Variants in PHACTR1 observed in about 807,000 individuals in gnomAD.
PHACTR1 encodes RPEL repeat containing 1.
PHACTR1 carries 16 observed loss-of-function variants against 69.2 expected under a neutral mutation model. That is an observed-to-expected ratio of 0.23 (90% confidence interval 0.16 to 0.35). The LOEUF is 0.35. Among genes scored for constraint, PHACTR1 ranks in the 10% least tolerant of loss-of-function variants. PHACTR1 has a pLI of 1.00. For synonymous variants in PHACTR1, 312 were observed against 284.5 expected (o/e 1.10, Z -0.97); for missense variants, 510 against 734.7 (o/e 0.69, Z 3.54).
chr6:13,039,851 A>C (rs1803890903), intron 4 of PHACTR1, among the ~76,000 whole-genome samples: 1 of 152,332 alleles, frequency 6.6e-6, no homozygotes, highest in East Asian at 1.9e-4. Context: ...CTATTAAAAT[A>C]AATCTGGGGT....
At chr6:12,776,167 G>T (rs562568685) in intron 4 of PHACTR1, among the ~76,000 whole-genome samples, 2 of 152,258 alleles carry the variant, frequency 1.3e-5, no homozygotes, top group Admixed American at 6.5e-5. Flanking sequence ...CTTTAAATGG[G>T]ATATTTTTAA....
intron 6 of PHACTR1, among the ~76,000 whole-genome samples, chr6:13,166,407 G>T (rs1759819173): frequency 6.6e-6 from 1 of 152,068 alleles, no homozygotes; most frequent in African/African-American, 2.4e-5. Context: ...CGTCTGATTT[G>T]TTCCCTGTTG....
chr6:12,842,965 G>T (rs896892623), intron 4 of PHACTR1, among the ~76,000 whole-genome samples: 2 of 152,066 alleles, frequency 1.3e-5, no homozygotes, highest in Non-Finnish European at 2.9e-5. Flanking sequence ...AATTGTTTTG[G>T]AGGTCACAAT....
intron 4 of PHACTR1, among the ~76,000 whole-genome samples, chr6:13,038,625 C>T (rs1043799892): frequency 6.6e-6 from 1 of 152,134 alleles, no homozygotes; most frequent in South Asian, 2.1e-4. Context: ...CTGCCACTTA[C>T]AAACTATAGA....
intron 4 of PHACTR1, among the ~76,000 whole-genome samples, chr6:12,878,043 G>T (rs1243864951): frequency 6.6e-6 from 1 of 152,212 alleles, no homozygotes; most frequent in Non-Finnish European, 1.5e-5. Context: ...GGTTGCAGTT[G>T]TCAGCTAAGT....
intron 10 of PHACTR1, 55 bp from the exon 11 acceptor site, chr6:13,272,805 T>A: frequency 6.2e-7 from 1 of 1,614,050 alleles, no homozygotes; most frequent in Non-Finnish European, 8.5e-7. Context: ...AGGAAATTAA[T>A]GACCCAAGGA....
chr6:13,175,562 A>T (rs1004654407), intron 6 of PHACTR1, among the ~76,000 whole-genome samples: 2 of 152,114 alleles, frequency 1.3e-5, no homozygotes, highest in Non-Finnish European at 2.9e-5. Context: ...TCACCAGCAC[A>T]CCTCTGTTAA....
chr6:12,771,879 G>A (rs1321937126), intron 4 of PHACTR1, among the ~76,000 whole-genome samples: 4 of 152,200 alleles, frequency 2.6e-5, no homozygotes, highest in East Asian at 1.9e-4. Flanking sequence ...GGGGGAAGGG[G>A]TGTTCTGGGG....
At chr6:13,059,299 G>A (rs1189901811) in intron 5 of PHACTR1, among the ~76,000 whole-genome samples, 1 of 152,054 alleles carries the variant, frequency 6.6e-6, no homozygotes, top group Non-Finnish European at 1.5e-5. Flanking sequence ...TGCCAGGGGA[G>A]GGGGAAATGG....
chr6:12,830,514 A>G (rs765388632), intron 4 of PHACTR1, among the ~76,000 whole-genome samples: 59 of 151,970 alleles, frequency 3.9e-4, no homozygotes, highest in African/African-American at 8.2e-4. Context: ...CCACCAGTCT[A>G]TTATCACCTA....
chr6:12,794,662 A>G (rs547605455), intron 4 of PHACTR1, among the ~76,000 whole-genome samples: 35 of 152,188 alleles, frequency 2.3e-4, no homozygotes, highest in Admixed American at 3.9e-4. Flanking sequence ...TTTTCCCCAT[A>G]CTAAGTCCTT....
At chr6:12,797,037 G>GTA (rs1561891210) in intron 4 of PHACTR1, among the ~76,000 whole-genome samples, 2 of 134,240 alleles carry the variant, frequency 1.5e-5, no homozygotes, top group Admixed American at 1.7e-4. Flanking sequence ...GTGTGTGTGT[G>GTA]TGTGAGAGAG....
intron 10 of PHACTR1, among the ~76,000 whole-genome samples, chr6:13,268,013 T>C (rs1244100908): frequency 2.0e-5 from 3 of 152,140 alleles, no homozygotes; most frequent in African/African-American, 7.2e-5. Context: ...ACACCTGTAA[T>C]CTCAGCACTC....
At chr6:12,806,972 G>T (rs1049089932) in intron 4 of PHACTR1, among the ~76,000 whole-genome samples, 1 of 152,180 alleles carries the variant, frequency 6.6e-6, no homozygotes, top group South Asian at 2.1e-4. Flanking sequence ...CATTTCATGC[G>T]TAACTATTTT....
chr6:12,868,892 G>C (rs1051048435), intron 4 of PHACTR1, among the ~76,000 whole-genome samples: 1 of 152,056 alleles, frequency 6.6e-6, no homozygotes, highest in Non-Finnish European at 1.5e-5. Flanking sequence ...CCTCAATTCT[G>C]CTTGGAATTC....
At chr6:13,215,320 T>A (rs368708736) in intron 8 of PHACTR1, among the ~76,000 whole-genome samples, 7 of 152,168 alleles carry the variant, frequency 4.6e-5, no homozygotes, top group African/African-American at 1.7e-4. Flanking sequence ...GAGAAGAATG[T>A]GCAACAGGAA....
intron 5 of PHACTR1, among the ~76,000 whole-genome samples, chr6:13,130,536 C>A (rs555782316): frequency 6.6e-6 from 1 of 152,170 alleles, no homozygotes; most frequent in Non-Finnish European, 1.5e-5. Context: ...AACACCTTTA[C>A]ACACACAAAC....
chr6:12,850,287 TC>T (rs1400437678), intron 4 of PHACTR1, among the ~76,000 whole-genome samples: 1 of 152,226 alleles, frequency 6.6e-6, no homozygotes, highest in Non-Finnish European at 1.5e-5. Context: ...AACTCCTACC[TC>T]ATCTACATTC....
intron 4 of PHACTR1, among the ~76,000 whole-genome samples, chr6:12,753,636 A>T (rs1766887058): frequency 6.6e-6 from 1 of 152,162 alleles, no homozygotes; most frequent in African/African-American, 2.4e-5. Context: ...CACCAGCATA[A>T]TTATTCTCTT....
Sources: gnomAD v4.1 joint callset for allele counts (sites outside exome capture counted in the v4.1 genomes callset) on GRCh38, gnomAD v4.1.1 for gene constraint, MANE v1.5 for transcripts, NCBI Gene and HGNC (gene_info 2026-07-23, HGNC 2026-07-21) for gene names.